PAPPA2: variants seen among roughly 807,000 people sequenced by gnomAD.
PAPPA2 encodes the protein pappalysin-2.
A neutral mutation model predicts 176.4 loss-of-function variants in PAPPA2; 86 were observed. That is an observed-to-expected ratio of 0.49 (90% CI 0.41 to 0.58). PAPPA2 has a LOEUF of 0.58. PAPPA2 is among the 20% of genes least tolerant of loss of function. The pLI is 0.00. For missense variants in PAPPA2, 2,073 were observed against 2,256.9 expected (o/e 0.92, Z 1.65); for synonymous variants, 809 against 852.2 (o/e 0.95, Z 0.88).
At chr1:176,498,690 C>T (rs1647772274) in intron 1 of PAPPA2, among the ~76,000 whole-genome samples, 1 of 150,724 alleles carries the variant, frequency 6.6e-6, no homozygotes, top group African/African-American at 2.4e-5. Context: ...TTGGAAGTTG[C>T]AGTGAGCCGA....
intron 1 of PAPPA2, among the ~76,000 whole-genome samples, chr1:176,474,304 T>C (rs919411643): frequency 6.6e-5 from 10 of 152,194 alleles, no homozygotes; most frequent in Admixed American, 5.2e-4. Flanking sequence ...ATTATTACTA[T>C]CTGGAACACA....
At chr1:176,607,272 A>G (rs1654668742) in intron 3 of PAPPA2, among the ~76,000 whole-genome samples, 1 of 152,168 alleles carries the variant, frequency 6.6e-6, no homozygotes, top group African/African-American at 2.4e-5. Flanking sequence ...GTTGTTAACT[A>G]TAGTCACTCT....
chr1:176,697,614 C>T lies in PAPPA2; in HGVS notation c.2747-1486C>T, dbSNP rs1660447117. ...TGCTATGGGGATTAGAAAACTAAAA[C>T]AGACATATTCCCTGCTTAAACATCA... On this transcript the variant is annotated intron_variant, in intron 7 of 22. Coordinates refer to ENST00000367662, the MANE Select transcript of PAPPA2 (RefSeq NM_020318.3). Among the ~76,000 whole-genome samples the T allele has an allele frequency of 2.0e-5, 3 of 152,122 alleles. No homozygotes were observed. In the South Asian group the frequency reaches 6.2e-4, roughly 32 times the overall value.
chr1:176,768,260 C>A (rs1046099455), intron 15 of PAPPA2, among the ~76,000 whole-genome samples: 9 of 151,904 alleles, frequency 5.9e-5, no homozygotes, highest in African/African-American at 2.2e-4. Flanking sequence ...GCTGGGAAGT[C>A]CTGATCATTT....
intron 3 of PAPPA2, among the ~76,000 whole-genome samples, chr1:176,639,220 AC>A (rs889795857): frequency 1.5e-4 from 23 of 151,520 alleles, no homozygotes; most frequent in Admixed American, 2.6e-4. Flanking sequence ...TTTTTGGTTG[AC>A]CCCCCTTTTT....
chr1:176,692,044 C>A, intron 5 of PAPPA2, 82 bp from the exon 6 acceptor site: 1 of 1,365,726 alleles, frequency 7.3e-7, no homozygotes, highest in Non-Finnish European at 1.0e-6. Flanking sequence ...CAGCCATGAA[C>A]AAGACACAAA....
chr1:176,834,980 A>C (rs1571398006), intron 21 of PAPPA2, among the ~76,000 whole-genome samples: 1 of 151,978 alleles, frequency 6.6e-6, no homozygotes, highest in East Asian at 1.9e-4. Flanking sequence ...TCAAAAACAA[A>C]AAAAGTGAAG....
chr1:176,829,770 A>T (rs76865004), intron 21 of PAPPA2, among the ~76,000 whole-genome samples: 1 of 152,160 alleles, frequency 6.6e-6, no homozygotes, highest in African/African-American at 2.4e-5. Flanking sequence ...TCATGTTTCA[A>T]TTATGTGGGA....
chr1:176,631,502 T>C (rs1253655899), intron 3 of PAPPA2, among the ~76,000 whole-genome samples: 1 of 152,148 alleles, frequency 6.6e-6, no homozygotes, highest in Admixed American at 6.5e-5. Flanking sequence ...CTAAAAACAT[T>C]GAATTGTACA....
chr1:176,730,641 T>C (rs1440284938), intron 12 of PAPPA2, among the ~76,000 whole-genome samples: 3 of 151,836 alleles, frequency 2.0e-5, no homozygotes, highest in African/African-American at 4.8e-5. Context: ...TTATCTTCAT[T>C]ATTTCCTGGC....
intron 12 of PAPPA2, among the ~76,000 whole-genome samples, chr1:176,717,224 T>C (rs1216744635): frequency 6.6e-6 from 1 of 152,186 alleles, no homozygotes; most frequent in Non-Finnish European, 1.5e-5. Flanking sequence ...CAGGATCTGG[T>C]TGAAACAGCC....
chr1:176,699,936 TC>T (rs1211187160), intron 8 of PAPPA2, among the ~76,000 whole-genome samples: 1 of 152,200 alleles, frequency 6.6e-6, no homozygotes, highest in Non-Finnish European at 1.5e-5. Flanking sequence ...AGCTGTCTGA[TC>T]ATCTGCCACA....
intron 1 of PAPPA2, among the ~76,000 whole-genome samples, chr1:176,508,425 A>G (rs1326692032): frequency 6.6e-6 from 1 of 152,214 alleles, no homozygotes; most frequent in African/African-American, 2.4e-5. Context: ...ACATATAGAG[A>G]AAAACATAAA....
At chr1:176,691,205 G>A in intron 5 of PAPPA2, 1 of 966,994 alleles carries the variant, frequency 1.0e-6, no homozygotes, top group Non-Finnish European at 1.2e-6. Flanking sequence ...TGATGACCTA[G>A]TACAATGGTG....
intron 10 of PAPPA2, among the ~76,000 whole-genome samples, chr1:176,707,802 T>C (rs905819741): frequency 3.3e-5 from 5 of 152,160 alleles, no homozygotes; most frequent in Admixed American, 6.5e-5. Context: ...AGAGGATATA[T>C]ATTTTTTTCT....
At chr1:176,803,970 C>A (rs1665790977) in intron 21 of PAPPA2, among the ~76,000 whole-genome samples, 2 of 152,158 alleles carry the variant, frequency 1.3e-5, no homozygotes, top group Non-Finnish European at 2.9e-5. Context: ...TTTGTCCCAC[C>A]TGTGGGGTGA....
At chr1:176,540,980 G>T (rs1470292086) in intron 1 of PAPPA2, among the ~76,000 whole-genome samples, 1 of 152,130 alleles carries the variant, frequency 6.6e-6, no homozygotes, top group Admixed American at 6.6e-5. Flanking sequence ...GTGGCATTTG[G>T]GGCTAAGAAC....
chr1:176,825,215 C>T (rs1007396856), intron 21 of PAPPA2, among the ~76,000 whole-genome samples: 2 of 152,170 alleles, frequency 1.3e-5, no homozygotes, highest in Non-Finnish European at 2.9e-5. Context: ...AAATAACTTA[C>T]GTGTTTTGCT....
intron 21 of PAPPA2, among the ~76,000 whole-genome samples, chr1:176,833,434 C>A (rs982036074): frequency 1.3e-5 from 2 of 152,194 alleles, no homozygotes; most frequent in Non-Finnish European, 2.9e-5. Context: ...TTACAAAGGG[C>A]CAAGACCTAG....
Sources: allele counts gnomAD v4.1 joint callset (sites outside exome capture counted in the v4.1 genomes callset), GRCh38; gene constraint gnomAD v4.1.1; transcripts MANE v1.5; gene names NCBI Gene and HGNC (gene_info 2026-07-23, HGNC 2026-07-21).